FNDC3B: variants seen among roughly 807,000 people sequenced by gnomAD.
The protein encoded by FNDC3B is fibronectin type III domain-containing protein 3B.
A neutral mutation model predicts 151.5 loss-of-function variants in FNDC3B; 12 were observed. The ratio of observed to expected loss-of-function variants is 0.08; its 90% confidence interval spans 0.05 to 0.13. FNDC3B has a LOEUF of 0.13. Among genes scored for constraint, FNDC3B ranks in the 10% least tolerant of loss-of-function variants. FNDC3B has a pLI of 1.00. For synonymous variants in FNDC3B, 528 were observed against 549.0 expected, an observed-to-expected ratio of 0.96 and a Z score of 0.54; for missense variants, 1,214 against 1,505.3, an observed-to-expected ratio of 0.81 and a Z score of 3.20.
At chr3:172,060,639 T>C (rs954331672) in intron 1 of FNDC3B, among the ~76,000 whole-genome samples, 6 of 152,182 alleles carry the variant, frequency 3.9e-5, no homozygotes, top group African/African-American at 1.4e-4. Flanking sequence ...AATTCCTCTG[T>C]TTGACTTTCC....
At chr3:172,194,943 C>A (rs1313222528) in intron 3 of FNDC3B, among the ~76,000 whole-genome samples, 1 of 152,074 alleles carries the variant, frequency 6.6e-6, no homozygotes, top group Non-Finnish European at 1.5e-5. Context: ...TCCTTAGCAC[C>A]GCTGGGAGGT....
rs769393389 is a variant in FNDC3B, at chr3:172,344,205, C to G, written c.2197C>G (p.Leu733Val). The change falls in exon 19 of 26, where the codon CTG (leucine) becomes GTG (valine). Residue 733 changes from leucine (L) to valine (V), a missense_variant. This residue lies in a region of FNDC3B where 380 missense variants were observed against 420.9 expected (regional missense o/e 0.90). Coordinates refer to ENST00000415807, the MANE Select transcript of FNDC3B (RefSeq NM_022763.4). ...AGAGCTGGAGTGCACCGTCGGCAAC[C>G]TGCTTCCTGGAACCGTGTATCGCTT... ...GPELECTVGN[L>V]LPGTVYRFRV... 1 of 1,614,130 alleles carries G rather than the reference C, an allele frequency of 6.2e-7. No individual in the cohort carries two copies. The highest frequency in any genetic ancestry group is 1.1e-5 in the South Asian group (1 of 91,086).
chr3:172,378,786 A>G (rs1735284810), intron 24 of FNDC3B, among the ~76,000 whole-genome samples: 1 of 152,156 alleles, frequency 6.6e-6, no homozygotes, highest in Non-Finnish European at 1.5e-5. Flanking sequence ...TTCATCTTTC[A>G]GTGACTTTGG....
chr3:172,161,194 C>T (rs756709678), intron 3 of FNDC3B, among the ~76,000 whole-genome samples: 1 of 152,144 alleles, frequency 6.6e-6, no homozygotes, highest in Non-Finnish European at 1.5e-5. Flanking sequence ...TTTGAGCAGG[C>T]TGTTGAATAT....
chr3:172,071,177 A>G (rs1366875567), intron 1 of FNDC3B, among the ~76,000 whole-genome samples: 2 of 152,222 alleles, frequency 1.3e-5, no homozygotes, highest in African/African-American at 2.4e-5. Context: ...ATTGTGTAGA[A>G]ACACACTGTT....
rs186261694 is a variant in FNDC3B, at chr3:172,131,347, C to T, written c.112-2124C>T. ...GGCGGAGGTTGCAGTGAGCTGAGAT[C>T]GCGCCATTGCACTCCATCCTGGGCA... On this transcript the variant is annotated intron_variant, in intron 2 of 25. Coordinates refer to ENST00000415807, the MANE Select transcript of FNDC3B (RefSeq NM_022763.4). Among the ~76,000 whole-genome samples, 448 of 151,260 alleles carry T rather than the reference C, an allele frequency of 3.0e-3. 3 individuals are homozygous for T. The highest frequency in any genetic ancestry group is 4.3e-3 in the Non-Finnish European group (295 of 67,928).
At chr3:172,047,757 C>G (rs1716433465) in intron 1 of FNDC3B, among the ~76,000 whole-genome samples, 1 of 152,168 alleles carries the variant, frequency 6.6e-6, no homozygotes, top group African/African-American at 2.4e-5. Flanking sequence ...CTGCCTCCCC[C>G]ACCCCACTCC....
At chr3:172,234,645 A>G (rs776434504) in intron 4 of FNDC3B, among the ~76,000 whole-genome samples, 5 of 152,200 alleles carry the variant, frequency 3.3e-5, no homozygotes, top group Non-Finnish European at 7.3e-5. Flanking sequence ...TCACCTCTAT[A>G]CAAAAATGAT....
At position 172,344,167 on chromosome 3, in the gene FNDC3B, T is replaced by C; in HGVS notation, c.2159T>C (p.Val720Ala). The change falls in exon 19 of 26, where the codon GTG becomes GCG. Residue 720 changes from valine to alanine, a missense_variant. Coordinates refer to ENST00000415807, the MANE Select transcript of FNDC3B (RefSeq NM_022763.4). ...GAGCCCGAAGACGTAGCCTCGGAAG[T>C]GTACCATGGCCCAGAGCTGGAGTGC... ...MTEPEDVASE[V>A]YHGPELECTV... is the part of the protein sequence containing the mutation. The C allele has an allele frequency of 1.2e-6, 2 of 1,614,140 alleles. No individual in the cohort carries two copies. Among genetic ancestry groups the C allele is most frequent in the Non-Finnish European group, 1.7e-6 (2 of 1,179,988 alleles).
At chr3:172,281,211 ATTTATATTTATTTATTTATTTATTTAT>A (rs1729695726) in intron 6 of FNDC3B, among the ~76,000 whole-genome samples, 3 of 134,990 alleles carry the variant, frequency 2.2e-5, no homozygotes, top group African/African-American at 8.2e-5. Flanking sequence ...TATTATTATT[ATTTATATTTATTTATTTATTTATTTAT>A]TTATTTATTT....
intron 3 of FNDC3B, among the ~76,000 whole-genome samples, chr3:172,177,712 G>C (rs578191135): frequency 2.8e-4 from 36 of 128,326 alleles, no homozygotes; most frequent in Non-Finnish European, 5.1e-4. Flanking sequence ...TTTACTTTAA[G>C]TTCCAGGATA....
At chr3:172,096,392 C>G (rs931855452) in intron 1 of FNDC3B, among the ~76,000 whole-genome samples, 1 of 152,148 alleles carries the variant, frequency 6.6e-6, no homozygotes, top group African/African-American at 2.4e-5. Context: ...AATATGTGCA[C>G]ACAATCTAAA....
At chr3:172,392,383 G>T (rs1337983314) in intron 25 of FNDC3B, among the ~76,000 whole-genome samples, 1 of 152,166 alleles carries the variant, frequency 6.6e-6, no homozygotes, top group African/African-American at 2.4e-5. Context: ...AAACAGAATT[G>T]GTTGTCTGGA....
chr3:172,134,101 C>CCCGT lies in FNDC3B; in HGVS notation c.187+558_187+561dup, dbSNP rs533703291. 6.6e-5 allele frequency among the ~76,000 whole-genome samples: 10 copies of CCCGT among 152,258 alleles called. No individual in the cohort carries two copies. In the South Asian group the frequency reaches 2.1e-3, roughly 32 times the overall value. Reference sequence around the variant, plus strand: ...CATGTTCCTTCCAAATGCAAAATGCCCCGTCCCAAGATCTCCAAAAGTCTT... The same window carrying CCCGT: ...CATGTTCCTTCCAAATGCAAAATGCCCCGTCCGTCCCAAGATCTCCAAAAGTCTT... On this transcript the variant is annotated intron_variant, in intron 3 of 25. Transcript: ENST00000415807.
chr3:172,289,812 C>T (rs183757615), intron 7 of FNDC3B, among the ~76,000 whole-genome samples: 263 of 152,358 alleles, frequency 1.7e-3, no homozygotes, highest in Middle Eastern at 3.4e-3. Context: ...GCTTTGCAAT[C>T]TGGCACTCTG....
intron 3 of FNDC3B, among the ~76,000 whole-genome samples, chr3:172,168,291 C>T (rs1723106587): frequency 6.6e-6 from 1 of 152,220 alleles, no homozygotes; most frequent in Non-Finnish European, 1.5e-5. Context: ...TCTGCCTTTC[C>T]TGCTCTCCTA....
chr3:172,377,729 G>T (rs904294023), intron 23 of FNDC3B, among the ~76,000 whole-genome samples: 2 of 152,042 alleles, frequency 1.3e-5, no homozygotes, highest in Admixed American at 1.3e-4. Flanking sequence ...TGTTCTCAAC[G>T]ATCCATAATC....
rs1453871644 is a variant in FNDC3B, at chr3:172,344,238, A to C, written c.2230A>C (p.Arg744=). 1 of 1,613,926 alleles carries C rather than the reference A, an allele frequency of 6.2e-7. No homozygotes were observed. Among genetic ancestry groups the C allele is most frequent in the Non-Finnish European group, 8.5e-7 (1 of 1,179,894 alleles). ...LPGTVYRFRV[R]ALNDGGYGPY... ...TGGAACCGTGTATCGCTTCCGGGTG[A>C]GGGCTCTGAATGATGGAGGGGTGAG... The change falls in exon 19 of 26, where the codon AGG becomes CGG. Residue 744 remains arginine, a synonymous_variant. Coordinates refer to ENST00000415807, the MANE Select transcript of FNDC3B (RefSeq NM_022763.4).
chr3:172,085,776 T>A (rs186253420), intron 1 of FNDC3B, among the ~76,000 whole-genome samples: 1 of 152,196 alleles, frequency 6.6e-6, no homozygotes, highest in Non-Finnish European at 1.5e-5. Flanking sequence ...GTGCTTTGAC[T>A]GTGGAAGTGG....
Sources: allele counts gnomAD v4.1 joint callset (sites outside exome capture counted in the v4.1 genomes callset), GRCh38; gene constraint gnomAD v4.1.1; regional missense constraint gnomAD v4.1.1; transcripts MANE v1.5; gene names NCBI Gene and HGNC (gene_info 2026-07-23, HGNC 2026-07-21).